Variants in TMEM229B observed in about 807,000 individuals in gnomAD.
TMEM229B encodes the protein chromosome 14 open reading frame 83.
A neutral mutation model predicts 13.7 loss-of-function variants in TMEM229B; 6 were observed. That is an observed-to-expected ratio of 0.44 (90% CI 0.24 to 0.86). The LOEUF (loss-of-function observed/expected upper bound fraction) is 0.86, where lower values mean the gene tolerates loss of function less well. Ranked by LOEUF, TMEM229B falls within the 40% of genes least tolerant of loss-of-function variation. The pLI is 0.23. For synonymous variants in TMEM229B, 107 were observed against 102.1 expected (o/e 1.05, Z -0.29); for missense variants, 170 against 236.0 (o/e 0.72, Z 1.83).
At position 67,471,397 on chromosome 14, in the gene TMEM229B, A is replaced by C. The variant is rs1566665368; in HGVS notation, c.*2023T>G. ...GAAGGGGTGCTGGGAGACTAAGACA[A>C]CATGGAGTTGGAGAGAGAACCAAGG... On this transcript the variant is annotated 3_prime_UTR_variant, in exon 3 of 3. Transcript: ENST00000554480. 6.6e-6 allele frequency: 1 copy of C among 152,302 alleles called. No individual in the cohort carries two copies. The highest frequency in any genetic ancestry group is 1.5e-5 in the Non-Finnish European group (1 of 68,122). 9.4% of individuals were successfully genotyped at this position (152,302 alleles called of 1,614,324 possible).
At chr14:67,519,759 GT>G (rs1302817645), upstream of TMEM229B, among the ~76,000 whole-genome samples, 2 of 144,496 alleles carry the variant, frequency 1.4e-5, no homozygotes, top group East Asian at 4.1e-4. Flanking sequence ...TTCTCGTTCT[GT>G]TGCCCAGCCT....
chr14:67,530,167 C>G (rs1419853502), intron 1 of TMEM229B, among the ~76,000 whole-genome samples: 1 of 152,166 alleles, frequency 6.6e-6, no homozygotes, highest in Non-Finnish European at 1.5e-5. Context: ...TAAACTCCAG[C>G]CAATATTTGT....
chr14:67,516,128 G>T (rs188005546), upstream of TMEM229B, among the ~76,000 whole-genome samples: 102 of 152,332 alleles, frequency 6.7e-4, no homozygotes, highest in African/African-American at 2.2e-3. Context: ...CTTGAGACAG[G>T]CCCCTTGGAC....
chr14:67,474,223 G>A (rs551946288), intron 2 of TMEM229B, among the ~76,000 whole-genome samples: 2 of 151,706 alleles, frequency 1.3e-5, no homozygotes, highest in Admixed American at 1.3e-4. Flanking sequence ...CTGCACTCCA[G>A]CCTGGGAGAC....
intron 1 of TMEM229B, among the ~76,000 whole-genome samples, chr14:67,499,761 A>G (rs1219665387): frequency 2.4e-4 from 36 of 152,132 alleles, no homozygotes; most frequent in Non-Finnish European, 1.3e-4. Flanking sequence ...AGACTCTGAG[A>G]AGGGCTGGTT....
upstream of TMEM229B, among the ~76,000 whole-genome samples, chr14:67,490,006 T>A (rs1290315706): frequency 6.6e-6 from 1 of 150,682 alleles, no homozygotes; most frequent in Non-Finnish European, 1.5e-5. Context: ...AAAAAAAAAA[T>A]TCTGTCTATG....
chr14:67,496,237 G>A (rs551530379), intron 1 of TMEM229B, among the ~76,000 whole-genome samples: 1 of 151,862 alleles, frequency 6.6e-6, no homozygotes, highest in African/African-American at 2.4e-5. Context: ...TTTATTTTGA[G>A]ACCAGGTTAT....
chr14:67,483,704 C>A (rs773729935), intron 2 of TMEM229B, among the ~76,000 whole-genome samples: 2 of 152,228 alleles, frequency 1.3e-5, no homozygotes, highest in Non-Finnish European at 2.9e-5. Flanking sequence ...CACCAGGACA[C>A]ACACAACCCA....
At chr14:67,477,364 C>G (rs959101877) in intron 2 of TMEM229B, among the ~76,000 whole-genome samples, 1 of 152,180 alleles carries the variant, frequency 6.6e-6, no homozygotes, top group Non-Finnish European at 1.5e-5. Context: ...CCTTTCTCCT[C>G]TCACTTCCAT....
At chr14:67,497,425 G>A (rs1424594124) in intron 1 of TMEM229B, among the ~76,000 whole-genome samples, 3 of 152,068 alleles carry the variant, frequency 2.0e-5, no homozygotes, top group Non-Finnish European at 4.4e-5. Flanking sequence ...CCGGGATGAG[G>A]AAGAACTGAC....
At chr14:67,516,682 A>G (rs192379005), upstream of TMEM229B, among the ~76,000 whole-genome samples, 102 of 152,344 alleles carry the variant, frequency 6.7e-4, no homozygotes, top group African/African-American at 2.3e-3. Context: ...CCTGGCCAGA[A>G]TATTCAAAGA....
intron 1 of TMEM229B, among the ~76,000 whole-genome samples, chr14:67,532,299 G>C (rs376688647): frequency 6.6e-6 from 1 of 152,190 alleles, no homozygotes; most frequent in African/African-American, 2.4e-5. Flanking sequence ...AGAAACAGGC[G>C]CTGATGGTAT....
intron 1 of TMEM229B, among the ~76,000 whole-genome samples, chr14:67,528,490 T>C (rs1378454473): frequency 6.6e-6 from 1 of 152,220 alleles, no homozygotes; most frequent in Non-Finnish European, 1.5e-5. Context: ...GAGCAGCCAT[T>C]GTTCTCATCT....
rs555715850 is a variant in TMEM229B at position 67,496,391 on chromosome 14, GTTTTTTTTTTTTTTT to G, written c.-191-9234_-191-9220del. ...TACAGGTGTGAGCCACTGCTCCGGC[GTTTTTTTTTTTTTTT>G]TTTTTTTTTTTTTTTGAGACAGGGT... On this transcript the variant is annotated intron_variant, in intron 1 of 2. Coordinates refer to the TMEM229B transcript ENST00000357461. Among the ~76,000 whole-genome samples the G allele has an allele frequency of 1.3e-4, 4 of 30,112 alleles. No individual in the cohort carries two copies. The Admixed American group carries it at 1.9e-3, about 15-fold the overall frequency. The allele number at this position is 30,112 out of a possible 152,430, so 19.8% of individuals were successfully genotyped here.
chr14:67,473,328 C>T lies in TMEM229B; in HGVS notation c.*92G>A. The T allele has an allele frequency of 6.5e-7, 1 of 1,527,236 alleles. No individual in the cohort carries two copies. The highest frequency in any genetic ancestry group is 8.9e-7 in the Non-Finnish European group (1 of 1,126,480). 94.6% of individuals were successfully genotyped at this position (1,527,236 alleles called of 1,614,324 possible). On this transcript the variant is annotated 3_prime_UTR_variant, in exon 3 of 3. Transcript: ENST00000554480. The surrounding 1 kb of genome is among the most constrained non-coding windows in gnomAD (Gnocchi z 6.5). The stretch of plus-strand genomic sequence containing the variant: ...GGGCTGAGGCTTGGCCGGAGCAGGG[C>T]TTTTGCTGCATGGATGGGGCAACCT...
chr14:67,516,913 CT>C (rs1372852430), upstream of TMEM229B, among the ~76,000 whole-genome samples: 2 of 152,184 alleles, frequency 1.3e-5, no homozygotes, highest in Non-Finnish European at 2.9e-5. Context: ...AGACTTCCCC[CT>C]GAGTTTGTTT....
At chr14:67,482,355 A>G (rs2031635810) in intron 2 of TMEM229B, among the ~76,000 whole-genome samples, 1 of 152,222 alleles carries the variant, frequency 6.6e-6, no homozygotes, top group Admixed American at 6.5e-5. Flanking sequence ...GGTTTTGTCA[A>G]AAACTCCCAT....
intron 1 of TMEM229B, among the ~76,000 whole-genome samples, chr14:67,530,543 G>C (rs1284985959): frequency 1.3e-5 from 2 of 152,224 alleles, no homozygotes; most frequent in East Asian, 1.9e-4. Context: ...GTAACTCCTA[G>C]AGTGGTTAGT....
chr14:67,493,067 A>G (rs541647602), upstream of TMEM229B, among the ~76,000 whole-genome samples: 1 of 152,340 alleles, frequency 6.6e-6, no homozygotes, highest in African/African-American at 2.4e-5. Context: ...CCGTGCAAAG[A>G]ACTTTGGGAA....
Sources: allele counts gnomAD v4.1 joint callset (sites outside exome capture counted in the v4.1 genomes callset), GRCh38; gene constraint gnomAD v4.1.1; non-coding constraint Gnocchi (gnomAD v3.1); transcripts MANE v1.5; gene names NCBI Gene and HGNC (gene_info 2026-07-23, HGNC 2026-07-21).